The following ZC3H13 variants were observed in gnomAD, a reference collection of about 807,000 sequenced individuals.
ZC3H13 encodes the protein zinc finger CCCH-type containing 13, also known as zinc finger CCCH domain-containing protein 13.
A neutral mutation model predicts 204.1 loss-of-function variants in ZC3H13; 64 were observed. The observed-to-expected ratio is 0.31, with a 90% CI of 0.26 to 0.39. ZC3H13 has a LOEUF of 0.39. ZC3H13 is among the 10% of genes least tolerant of loss of function. The probability of loss-of-function intolerance (pLI) is 1.00; values close to 1 mark genes in which losing one functional copy is unlikely to be tolerated. For missense variants in ZC3H13, 1,833 were observed against 2,082.7 expected (o/e 0.88, Z 2.33); for synonymous variants, 667 against 693.7 (o/e 0.96, Z 0.60).
At chr13:45,983,414 T>TATA (rs10678022) in intron 10 of ZC3H13, among the ~76,000 whole-genome samples, 11 of 20,558 alleles carry the variant, frequency 5.4e-4, no homozygotes, top group South Asian at 4.6e-3. Flanking sequence ...TATATATATA[T>TATA]TTTTTTTTTT....
At chr13:45,968,351 A>G (rs1952267413) in intron 14 of ZC3H13, among the ~76,000 whole-genome samples, 1 of 152,182 alleles carries the variant, frequency 6.6e-6, no homozygotes, top group Non-Finnish European at 1.5e-5. Context: ...TTAGGCATTA[A>G]TAGAACTAAT....
chr13:45,974,057 A>G (rs1281376561), intron 12 of ZC3H13, among the ~76,000 whole-genome samples: 2 of 152,228 alleles, frequency 1.3e-5, no homozygotes, highest in Non-Finnish European at 2.9e-5. Flanking sequence ...CCCTGTGGCA[A>G]ATGAGTTGGA....
chr13:45,964,166 G>C lies in ZC3H13; in HGVS notation c.4475-124C>G, dbSNP rs1215121015. 4.9e-6 allele frequency: 4 copies of C among 809,328 alleles called. No homozygotes were observed. In the African/African-American group the frequency reaches 7.0e-5, roughly 14 times the overall value. The allele number at this position is 809,328 out of a possible 1,614,324, so 50.1% of individuals were successfully genotyped here. Reference sequence around the variant, plus strand: ...ATGAAAAGTACTTTAAACCAAAAATGTCCTATTCTTAAAATAAAAGCCTTC... The same window carrying C: ...ATGAAAAGTACTTTAAACCAAAAATCTCCTATTCTTAAAATAAAAGCCTTC... On this transcript the variant is annotated intron_variant, in intron 16 of 18. Transcript: ENST00000679008.
At chr13:45,959,411 T>C in intron 18 of ZC3H13, 72 bp downstream of exon 18, 1 of 1,380,490 alleles carries the variant, frequency 7.2e-7, no homozygotes. Context: ...CAATCTCAAT[T>C]TAAAACAACC....
At chr13:46,045,946 G>A (rs1593830645) in intron 1 of ZC3H13, among the ~76,000 whole-genome samples, 3 of 152,126 alleles carry the variant, frequency 2.0e-5, no homozygotes, top group Non-Finnish European at 4.4e-5. Context: ...AAAGAAAATG[G>A]AAAAATAAAA....
chr13:46,051,451 A>T (rs9534299), intron 1 of ZC3H13, among the ~76,000 whole-genome samples: 117,472 of 152,040 alleles, frequency 0.77, 45,753 homozygotes, highest in African/African-American at 0.86. Context: ...CATTAAGAAA[A>T]TAAAAATTAT....
At chr13:46,041,720 T>C (rs577481254) in intron 4 of ZC3H13, among the ~76,000 whole-genome samples, 1 of 152,288 alleles carries the variant, frequency 6.6e-6, no homozygotes, top group Non-Finnish European at 1.5e-5. Context: ...TTTGTGGTCA[T>C]ATGTGCTTTC....
intron 6 of ZC3H13, among the ~76,000 whole-genome samples, chr13:46,010,749 G>A (rs900411405): frequency 2.0e-5 from 3 of 148,166 alleles, no homozygotes; most frequent in Non-Finnish European, 3.0e-5. Flanking sequence ...AAAAAAAAAA[G>A]CCAGGCATGG....
chr13:45,998,758 G>A (rs1593603562), intron 8 of ZC3H13, among the ~76,000 whole-genome samples: 1 of 152,286 alleles, frequency 6.6e-6, no homozygotes, highest in Non-Finnish European at 1.5e-5. Context: ...GTGGGTAAGG[G>A]TATTATCTTG....
Position 45,983,413 on chromosome 13 carries a change from A to ATTTTTT in ZC3H13, c.1720+1878_1720+1883dup. ...AAGCCCCTTCTACTTATATATATAT[A>ATTTTTT]TTTTTTTTTTTTTTTTTTTTTTTTT... On this transcript the variant is annotated intron_variant, in intron 10 of 18. Transcript: ENST00000679008. Among the ~76,000 whole-genome samples, 12 of 31,138 alleles carry ATTTTTT rather than the reference A, an allele frequency of 3.9e-4. 1 individual carries two copies. The highest frequency in any genetic ancestry group is 4.3e-4 in the African/African-American group (2 of 4,676). 20.4% of individuals were successfully genotyped at this position (31,138 alleles called of 152,430 possible).
chr13:46,020,852 G>A (rs1019410841), intron 4 of ZC3H13, among the ~76,000 whole-genome samples: 1 of 151,914 alleles, frequency 6.6e-6, no homozygotes, highest in African/African-American at 2.4e-5. Flanking sequence ...AAATATTAAA[G>A]AGTAGCTAAG....
intron 12 of ZC3H13, among the ~76,000 whole-genome samples, chr13:45,971,642 G>A (rs777892923): frequency 1.3e-5 from 2 of 151,974 alleles, no homozygotes; most frequent in Non-Finnish European, 2.9e-5. Flanking sequence ...CAAACGCAAC[G>A]AAACCAAAAA....
At position 45,955,508 on chromosome 13, in the gene ZC3H13, G is replaced by A. The variant is rs948567585; in HGVS notation, c.*1619C>T. The A allele has an allele frequency of 6.6e-6, 1 of 152,114 alleles. No homozygotes were observed. Among genetic ancestry groups the A allele is most frequent in the Non-Finnish European group, 1.5e-5 (1 of 67,982 alleles). The allele number at this position is 152,114 out of a possible 1,614,324, so 9.4% of individuals were successfully genotyped here. A position where few individuals can be genotyped will look rare whatever the true frequency, so the allele number is the denominator to read the frequency against. ...AAATAACTTGTGAAATATCCCTGAAGTCAGTGGACAAATGGGGAAACCATT... is the reference window on the plus strand; with the variant it reads ...AAATAACTTGTGAAATATCCCTGAAATCAGTGGACAAATGGGGAAACCATT... On this transcript the variant is annotated 3_prime_UTR_variant, in exon 19 of 19. Coordinates refer to ENST00000679008, the MANE Select transcript of ZC3H13 (RefSeq NM_001330564.2).
chr13:45,985,668 C>T lies in ZC3H13; in HGVS notation c.1349G>A (p.Arg450Lys), dbSNP rs1189843375. 1 of 1,613,934 alleles carries T rather than the reference C, an allele frequency of 6.2e-7. No individual in the cohort carries two copies. The highest frequency in any genetic ancestry group is 8.5e-7 in the Non-Finnish European group (1 of 1,180,032). ...CCGATCCCGACCATCTCGAGGTTCT[C>T]TGTCATCTCTGTGGTCTCTAGAAGA... ...QSSSRDHRDD[R>K]EPRDGRDRRD... The change falls in exon 10 of 19, where the codon AGA becomes AAA. Residue 450 changes from arginine (R) to lysine (K), a missense_variant. Physicochemically the swap from Arg to Lys is conservative, Grantham distance 26. Coordinates refer to ENST00000679008, the MANE Select transcript of ZC3H13 (RefSeq NM_001330564.2).
At chr13:46,046,062 T>A (rs901419844) in intron 1 of ZC3H13, among the ~76,000 whole-genome samples, 3 of 152,182 alleles carry the variant, frequency 2.0e-5, no homozygotes, top group Non-Finnish European at 4.4e-5. Flanking sequence ...ATTTTAGTAT[T>A]TTCTTTGCCT....
intron 8 of ZC3H13, among the ~76,000 whole-genome samples, chr13:45,991,921 ACT>A (rs1481381629): frequency 1.3e-5 from 2 of 152,102 alleles, no homozygotes; most frequent in Admixed American, 6.5e-5. Flanking sequence ...AAAAATAAAA[ACT>A]CTCATTCAAG....
rs1370379931 is a variant in ZC3H13 at position 46,042,211 on chromosome 13, T to C, written c.292A>G (p.Thr98Ala). 2.5e-6 allele frequency: 4 copies of C among 1,613,600 alleles called. No individual in the cohort carries two copies. Among genetic ancestry groups the C allele is most frequent in the Admixed American group, 1.7e-5 (1 of 60,010 alleles). Residue 98 changes from threonine (T) to alanine (A), a missense_variant, in exon 4 of 19, where the codon ACT becomes GCT. Coordinates refer to ENST00000679008, the MANE Select transcript of ZC3H13 (RefSeq NM_001330564.2). ...TCTGTATTTCGTTTCTGGGGCTCAG[T>C]GTCCACGTCTTGGCGCTTGTTCTTC... ...RMKNKRQDVD[T>A]EPQKRNTEES...
chr13:46,032,362 C>CAAAAAAAAAAAAAAAAACA (rs2042955215), intron 4 of ZC3H13, among the ~76,000 whole-genome samples: 1 of 99,660 alleles, frequency 1.0e-5, no homozygotes, highest in Non-Finnish European at 2.2e-5. Context: ...AGAAAAAGAC[C>CAAAAAAAAAAAAAAAAACA]AAAAAAAAAA....
At chr13:46,035,656 T>G (rs2043166426) in intron 4 of ZC3H13, among the ~76,000 whole-genome samples, 1 of 152,276 alleles carries the variant, frequency 6.6e-6, no homozygotes, top group African/African-American at 2.4e-5. Context: ...AGTGATCAGC[T>G]TCCTAAATTT....
Sources: allele counts gnomAD v4.1 joint callset (sites outside exome capture counted in the v4.1 genomes callset), GRCh38; gene constraint gnomAD v4.1.1; transcripts MANE v1.5; gene names NCBI Gene and HGNC (gene_info 2026-07-23, HGNC 2026-07-21).